Variants in ZBTB7C observed in about 807,000 individuals in gnomAD.
ZBTB7C encodes the protein zinc finger and BTB domain-containing protein 7C.
A neutral mutation model predicts 25.7 loss-of-function variants in ZBTB7C; 8 were observed. That is an observed-to-expected ratio of 0.31 (90% CI 0.18 to 0.56). The LOEUF (loss-of-function observed/expected upper bound fraction) is 0.56, where lower values mean the gene tolerates loss of function less well. ZBTB7C is among the 20% of genes least tolerant of loss of function. The probability of loss-of-function intolerance (pLI) is 0.91; values close to 1 mark genes in which losing one functional copy is unlikely to be tolerated. For missense variants in ZBTB7C, 824 were observed against 855.2 expected, an observed-to-expected ratio of 0.96 and a Z score of 0.46; for synonymous variants, 394 against 369.0, an observed-to-expected ratio of 1.07 and a Z score of -0.78.
intron 3 of ZBTB7C, among the ~76,000 whole-genome samples, chr18:48,185,110 C>G (rs1015212253): frequency 6.6e-6 from 1 of 152,106 alleles, no homozygotes; most frequent in African/African-American, 2.4e-5. Context: ...CTGGCCCTGT[C>G]CAACCTCACC....
At chr18:48,278,251 G>T (rs755920097) in intron 2 of ZBTB7C, among the ~76,000 whole-genome samples, 1 of 152,112 alleles carries the variant, frequency 6.6e-6, no homozygotes, top group Non-Finnish European at 1.5e-5. Context: ...GGAGAAAGAG[G>T]CCCCAGAGAA....
intron 3 of ZBTB7C, among the ~76,000 whole-genome samples, chr18:48,070,622 T>C (rs1288778683): frequency 1.3e-5 from 2 of 152,180 alleles, no homozygotes; most frequent in Non-Finnish European, 2.9e-5. Context: ...AAGGAGGCCG[T>C]AGTTTGCATC....
At chr18:48,177,560 C>A (rs1226950844) in intron 3 of ZBTB7C, among the ~76,000 whole-genome samples, 1 of 151,620 alleles carries the variant, frequency 6.6e-6, no homozygotes, top group Non-Finnish European at 1.5e-5. Flanking sequence ...AGGGTGTGTG[C>A]GTGTGTGTGT....
At chr18:48,043,227 A>C (rs2036330054) in intron 3 of ZBTB7C, among the ~76,000 whole-genome samples, 1 of 152,224 alleles carries the variant, frequency 6.6e-6, no homozygotes, top group South Asian at 2.1e-4. Flanking sequence ...CCAGCAATTG[A>C]ATTCTTGAGC....
At position 48,107,171 on chromosome 18, in the gene ZBTB7C, G is replaced by A. The variant is rs570400113; in HGVS notation, c.-16-66048C>T. On this transcript the variant is annotated intron_variant, in intron 3 of 4. Transcript: ENST00000590800. The stretch of plus-strand genomic sequence containing the variant: ...GGGCATTGGAGAGAAGGGCAGAACC[G>A]TCAGGAGAGGGAGGAAGGGAGGTCA... 1.5e-4 allele frequency among the ~76,000 whole-genome samples: 22 copies of A among 151,216 alleles called. No individual in the cohort carries two copies. The South Asian group carries it at 3.2e-3, about 22-fold the overall frequency.
intron 3 of ZBTB7C, among the ~76,000 whole-genome samples, chr18:48,110,395 C>T (rs981694396): frequency 7.9e-5 from 12 of 152,190 alleles, no homozygotes; most frequent in Non-Finnish European, 1.5e-4. Flanking sequence ...AGCCAGCCTG[C>T]TCTGCATTCT....
At chr18:48,203,720 C>A (rs1302201862) in intron 2 of ZBTB7C, 1 of 152,118 alleles carries the variant, frequency 6.6e-6, no homozygotes, top group Non-Finnish European at 1.5e-5. Flanking sequence ...CACCACAGCA[C>A]CTGTCCCGCC....
chr18:48,389,216 CTCTCTCTCTCTCTCTCTCTCGT>C (rs1479379859), intron 1 of ZBTB7C, among the ~76,000 whole-genome samples: 2 of 126,694 alleles, frequency 1.6e-5, no homozygotes, highest in Non-Finnish European at 1.6e-5. Flanking sequence ...CTCTCTCTCT[CTCTCTCTCTCTCTCTCTCTCGT>C]GTGTGTGTGT....
intron 2 of ZBTB7C, among the ~76,000 whole-genome samples, chr18:48,248,972 A>G (rs997743218): frequency 8.5e-5 from 13 of 152,222 alleles, no homozygotes; most frequent in African/African-American, 3.1e-4. Context: ...CAAGACCATA[A>G]CAAACAGATA....
At chr18:48,326,713 T>C (rs919594232) in intron 2 of ZBTB7C, among the ~76,000 whole-genome samples, 3 of 152,238 alleles carry the variant, frequency 2.0e-5, no homozygotes, top group Non-Finnish European at 2.9e-5. Flanking sequence ...CAATAGGCTA[T>C]GTTTTATAGG....
At chr18:48,353,926 G>C (rs1345422966) in intron 1 of ZBTB7C, among the ~76,000 whole-genome samples, 1 of 152,196 alleles carries the variant, frequency 6.6e-6, no homozygotes, top group East Asian at 1.9e-4. Flanking sequence ...AGCAGGGTGG[G>C]AAGGAGAGGG....
intron 3 of ZBTB7C, among the ~76,000 whole-genome samples, chr18:48,099,649 G>T (rs2038760965): frequency 6.6e-6 from 1 of 152,222 alleles, no homozygotes; most frequent in Non-Finnish European, 1.5e-5. Flanking sequence ...TGAACTGGCA[G>T]GGTGCAGCCC....
intron 2 of ZBTB7C, among the ~76,000 whole-genome samples, chr18:48,236,297 A>C (rs1316986630): frequency 6.6e-6 from 1 of 152,208 alleles, no homozygotes; most frequent in Non-Finnish European, 1.5e-5. Flanking sequence ...CTTTGGTGTA[A>C]GGCCAATGTC....
intron 3 of ZBTB7C, among the ~76,000 whole-genome samples, chr18:48,054,352 C>T (rs2036826816): frequency 6.6e-6 from 1 of 152,200 alleles, no homozygotes; most frequent in African/African-American, 2.4e-5. Flanking sequence ...CGGCCACTCC[C>T]CTGCCCTTCT....
chr18:48,256,796 TTTGACATTA>T (rs2044033930), intron 2 of ZBTB7C, among the ~76,000 whole-genome samples: 1 of 152,064 alleles, frequency 6.6e-6, no homozygotes, highest in Non-Finnish European at 1.5e-5. Flanking sequence ...GAAAGTAGAC[TTTGACATTA>T]CAGATATATA....
At chr18:48,131,236 C>A (rs933586792) in intron 3 of ZBTB7C, among the ~76,000 whole-genome samples, 1 of 152,234 alleles carries the variant, frequency 6.6e-6, no homozygotes, top group Non-Finnish European at 1.5e-5. Flanking sequence ...TAGGTGATTG[C>A]AACATGTAAT....
At chr18:48,120,012 C>T (rs1034810272) in intron 3 of ZBTB7C, among the ~76,000 whole-genome samples, 1 of 152,102 alleles carries the variant, frequency 6.6e-6, no homozygotes, top group East Asian at 1.9e-4. Flanking sequence ...CACACAACCC[C>T]AGGGATTTTG....
intron 1 of ZBTB7C, among the ~76,000 whole-genome samples, chr18:48,389,974 T>G (rs57314881): frequency 0.14 from 21,294 of 152,120 alleles, 2,040 homozygotes; most frequent in African/African-American, 0.27. Flanking sequence ...ATAGAAAAAT[T>G]TTTTCAGTGT....
chr18:48,286,097 G>A (rs1336329423), intron 2 of ZBTB7C, among the ~76,000 whole-genome samples: 1 of 152,132 alleles, frequency 6.6e-6, no homozygotes, highest in Non-Finnish European at 1.5e-5. Flanking sequence ...CTCCCACTAT[G>A]CTCAGACTTT....
Sources: gnomAD v4.1 joint callset for allele counts (sites outside exome capture counted in the v4.1 genomes callset) on GRCh38, gnomAD v4.1.1 for gene constraint, MANE v1.5 for transcripts, NCBI Gene and HGNC (gene_info 2026-07-23, HGNC 2026-07-21) for gene names.